Variants in ECM2 observed in about 807,000 individuals in gnomAD.
ECM2 encodes the protein extracellular matrix protein 2.
In ECM2, 57 loss-of-function variants were observed where a neutral mutation model predicts 67.5. The observed-to-expected ratio is 0.84, with a 90% CI of 0.68 to 1.05. The LOEUF (loss-of-function observed/expected upper bound fraction) is 1.05, where lower values mean the gene tolerates loss of function less well. Among genes scored for constraint, ECM2 ranks in the 50% least tolerant of loss-of-function variants. The probability of loss-of-function intolerance (pLI) is 0.00; values close to 1 mark genes in which losing one functional copy is unlikely to be tolerated. For missense variants in ECM2, 741 were observed against 822.8 expected, an observed-to-expected ratio of 0.90 and a Z score of 1.22; for synonymous variants, 258 against 294.5, an observed-to-expected ratio of 0.88 and a Z score of 1.27.
intron 9 of ECM2, among the ~76,000 whole-genome samples, chr9:92,497,889 AAAAAG>A (rs1470313113): frequency 2.3e-4 from 35 of 151,418 alleles, no homozygotes; most frequent in African/African-American, 7.3e-4. Context: ...AAAAAAAAAA[AAAAAG>A]AAGTCTGGCA....
At position 92,514,842 on chromosome 9, in the gene ECM2, C is replaced by T. The variant is rs539041793; in HGVS notation, c.843G>A (p.Glu281=). 9 of 1,612,400 alleles carry T rather than the reference C, an allele frequency of 5.6e-6. No homozygotes were observed. In the South Asian group the frequency reaches 8.8e-5, roughly 16 times the overall value. The change falls in exon 4 of 10, where the codon GAG becomes GAA. Residue 281 remains glutamate (E), a synonymous_variant. Transcript: ENST00000344604. ...CCTCGTCCTCCTCATCCTCCTCACC[C>T]TCCTCACCCTCCTCCTCCTCATCCT... is the stretch of plus-strand genomic sequence containing the variant. ...EEEDEEEEGE[E]GEEDEEDEED...
chr9:92,518,007 G>T, intron 2 of ECM2, 132 bp from the exon 3 acceptor site: 1 of 1,046,542 alleles, frequency 9.6e-7, no homozygotes, highest in Non-Finnish European at 1.4e-6. Context: ...TTCATGTATA[G>T]GGTAAAGATG....
chr9:92,510,128 T>A, intron 5 of ECM2, 94 bp from the exon 6 acceptor site: 1 of 1,395,802 alleles, frequency 7.2e-7, no homozygotes, highest in Non-Finnish European at 9.6e-7. Context: ...CTCACAAACC[T>A]ATCCTTCCTT....
intron 4 of ECM2, among the ~76,000 whole-genome samples, chr9:92,512,878 G>A (rs1847440935): frequency 1.3e-5 from 2 of 152,142 alleles, no homozygotes; most frequent in Admixed American, 1.3e-4. Flanking sequence ...TTTTCTTAGG[G>A]CAGAGCATAC....
the ECM2 span, among the ~76,000 whole-genome samples, chr9:92,554,336 AC>A: frequency 6.6e-6 from 1 of 152,078 alleles, no homozygotes; most frequent in Non-Finnish European, 1.5e-5. Context: ...GGCACGTGCC[AC>A]CACTCCCAGC....
At chr9:92,545,778 A>G in the ECM2 span, among the ~76,000 whole-genome samples, 1 of 152,366 alleles carries the variant, frequency 6.6e-6, no homozygotes, top group East Asian at 1.9e-4. Flanking sequence ...TTGTAGATAT[A>G]CCAGTCAGCA....
chr9:92,556,015 G>A, the ECM2 span, among the ~76,000 whole-genome samples: 2 of 152,062 alleles, frequency 1.3e-5, no homozygotes, highest in Admixed American at 1.3e-4. Context: ...ACTTTTTGAT[G>A]TGGGCGTTTA....
At chr9:92,556,880 G>GT in the ECM2 span, among the ~76,000 whole-genome samples, 1 of 151,846 alleles carries the variant, frequency 6.6e-6, no homozygotes, top group East Asian at 1.9e-4. Flanking sequence ...GGGTTTTTTT[G>GT]TTTTTTGCTT....
intron 1 of ECM2, among the ~76,000 whole-genome samples, chr9:92,531,232 G>T (rs987254461): frequency 6.6e-6 from 1 of 151,802 alleles, no homozygotes; most frequent in East Asian, 1.9e-4. Flanking sequence ...TTGTTGCTTG[G>T]TTTTTATTAT....
the ECM2 span, among the ~76,000 whole-genome samples, chr9:92,550,146 C>T: frequency 2.6e-5 from 4 of 152,156 alleles, no homozygotes; most frequent in Non-Finnish European, 4.4e-5. Context: ...GCCTACAATC[C>T]TAGCACTTTG....
chr9:92,540,865 T>C (rs926514315), upstream of ECM2, among the ~76,000 whole-genome samples: 1 of 151,858 alleles, frequency 6.6e-6, no homozygotes, highest in African/African-American at 2.4e-5. Context: ...GCCTTGCGAG[T>C]GTTTGCTAAA....
chr9:92,522,212 G>T (rs1280426827), intron 2 of ECM2, among the ~76,000 whole-genome samples: 1 of 151,830 alleles, frequency 6.6e-6, no homozygotes, highest in South Asian at 2.1e-4. Context: ...TCAGCCTCCC[G>T]AGTAGCTGGG....
chr9:92,543,471 CAAAAAAAAAAAA>C, the ECM2 span, among the ~76,000 whole-genome samples: 32 of 44,538 alleles, frequency 7.2e-4, no homozygotes, highest in East Asian at 0.011. Flanking sequence ...AACCCTGTCT[CAAAAAAAAAAAA>C]AAAAAAAAAA....
At chr9:92,526,419 A>T (rs1848414169) in intron 1 of ECM2, among the ~76,000 whole-genome samples, 1 of 152,178 alleles carries the variant, frequency 6.6e-6, no homozygotes, top group Admixed American at 6.5e-5. Context: ...AACCTATGGG[A>T]TACAGCAAAA....
At chr9:92,528,987 AGAAG>A (rs1453406047) in intron 1 of ECM2, among the ~76,000 whole-genome samples, 1 of 152,240 alleles carries the variant, frequency 6.6e-6, no homozygotes, top group Non-Finnish European at 1.5e-5. Flanking sequence ...AGAAGTGAGA[AGAAG>A]GATTAACCAT....
chr9:92,512,355 A>G (rs1452931556), intron 4 of ECM2, among the ~76,000 whole-genome samples: 1 of 152,252 alleles, frequency 6.6e-6, no homozygotes, highest in African/African-American at 2.4e-5. Flanking sequence ...GGATTCATCA[A>G]GCTGTAAATA....
At chr9:92,550,190 G>A in the ECM2 span, among the ~76,000 whole-genome samples, 2 of 152,210 alleles carry the variant, frequency 1.3e-5, no homozygotes, top group Admixed American at 1.3e-4. Flanking sequence ...GAGGTCAGGA[G>A]ATCGAGACCA....
intron 7 of ECM2, among the ~76,000 whole-genome samples, chr9:92,505,066 C>T (rs1437205805): frequency 6.6e-6 from 1 of 152,170 alleles, no homozygotes; most frequent in Non-Finnish European, 1.5e-5. Context: ...CAGTCAGAGG[C>T]CTTCTTTGTA....
At chr9:92,534,093 A>G (rs998912232) in intron 1 of ECM2, among the ~76,000 whole-genome samples, 1 of 152,072 alleles carries the variant, frequency 6.6e-6, no homozygotes, top group African/African-American at 2.4e-5. Flanking sequence ...GTTTTCTCCC[A>G]TGACTGTTCA....
Sources: gnomAD v4.1 joint callset for allele counts (sites outside exome capture counted in the v4.1 genomes callset) on GRCh38, gnomAD v4.1.1 for gene constraint, MANE v1.5 for transcripts, NCBI Gene and HGNC (gene_info 2026-07-23, HGNC 2026-07-21) for gene names.